WDR12: variants seen among roughly 807,000 people sequenced by gnomAD.
WDR12 encodes the protein ribosome biogenesis protein WDR12.
A neutral mutation model predicts 64.3 loss-of-function variants in WDR12; 42 were observed. That is an observed-to-expected ratio of 0.65 (90% confidence interval 0.51 to 0.84). The LOEUF is 0.84. Ranked by LOEUF, WDR12 falls within the 40% of genes least tolerant of loss-of-function variation. The pLI is 0.00. For missense variants in WDR12, 469 were observed against 494.6 expected (o/e 0.95, Z 0.49); for synonymous variants, 158 against 173.3 (o/e 0.91, Z 0.70).
chr2:202,883,786 A>G (rs1334183905), intron 10 of WDR12, 45 bp from the exon 11 acceptor site: 1 of 1,577,190 alleles, frequency 6.3e-7, no homozygotes, highest in Non-Finnish European at 8.6e-7. Context: ...AGAAAAGGGA[A>G]GTAGGTAGAA....
intron 8 of WDR12, among the ~76,000 whole-genome samples, chr2:202,885,148 T>C (rs1374184645): frequency 6.6e-6 from 1 of 152,180 alleles, no homozygotes; most frequent in Non-Finnish European, 1.5e-5. Flanking sequence ...AGGCTGTTTT[T>C]TGGGATCCCT....
intron 2 of WDR12, 129 bp downstream of exon 2, chr2:202,907,736 C>T: frequency 7.3e-6 from 5 of 689,134 alleles, no homozygotes; most frequent in Non-Finnish European, 1.2e-5. Flanking sequence ...AGAACCTGTA[C>T]TTTATAACTT....
At chr2:202,882,261 G>A (rs1687962910) in intron 12 of WDR12, among the ~76,000 whole-genome samples, 1 of 151,918 alleles carries the variant, frequency 6.6e-6, no homozygotes, top group Admixed American at 6.6e-5. Flanking sequence ...TTCTTTGAAT[G>A]AGAGGTGACA....
At chr2:202,903,538 CAA>C (rs1270285623) in intron 2 of WDR12, among the ~76,000 whole-genome samples, 1 of 151,584 alleles carries the variant, frequency 6.6e-6, no homozygotes, top group African/African-American at 2.4e-5. Context: ...GAAGGGCATC[CAA>C]ATTGGAGAGG....
chr2:202,907,985 G>C lies in WDR12; in HGVS notation c.42-26C>G, dbSNP rs1167523859. 4 of 1,585,948 alleles carry C rather than the reference G, an allele frequency of 2.5e-6. No individual in the cohort carries two copies. The African/African-American group carries it at 5.4e-5, about 21-fold the overall frequency. ...CTATAAAAAGGAAATGATATGTCAA[G>C]ATCAAGTCTACAGATATTTGAACAA... On this transcript the variant is annotated intron_variant, in intron 1 of 12. Coordinates refer to ENST00000261015, the MANE Select transcript of WDR12 (RefSeq NM_018256.4).
At chr2:202,891,723 T>C (rs1559160375) in intron 8 of WDR12, among the ~76,000 whole-genome samples, 1 of 152,254 alleles carries the variant, frequency 6.6e-6, no homozygotes, top group Admixed American at 6.5e-5. Context: ...ACATTCATTA[T>C]AGCTATTAGA....
At chr2:202,893,654 G>C (rs1688190683) in intron 7 of WDR12, among the ~76,000 whole-genome samples, 1 of 152,130 alleles carries the variant, frequency 6.6e-6, no homozygotes, top group Admixed American at 6.6e-5. Flanking sequence ...TACCTAAAAA[G>C]TAACAGAGGT....
intron 11 of WDR12, 196 bp from the exon 12 acceptor site, chr2:202,882,979 AT>A (rs1687982132): frequency 2.0e-6 from 1 of 488,480 alleles, no homozygotes; most frequent in South Asian, 3.0e-5. Flanking sequence ...GACATTTATT[AT>A]AACAAATATA....
At chr2:202,885,532 C>G (rs938385116) in intron 8 of WDR12, among the ~76,000 whole-genome samples, 2 of 152,110 alleles carry the variant, frequency 1.3e-5, no homozygotes, top group Non-Finnish European at 2.9e-5. Context: ...GTTTCAGCAC[C>G]TTCACACAAA....
intron 8 of WDR12, among the ~76,000 whole-genome samples, chr2:202,884,976 T>C (rs1167823303): frequency 6.6e-6 from 1 of 152,224 alleles, no homozygotes; most frequent in African/African-American, 2.4e-5. Flanking sequence ...TCTTCTTGCC[T>C]GTAGTTCTCA....
chr2:202,902,522 G>T (rs761067362), intron 2 of WDR12, among the ~76,000 whole-genome samples: 2 of 152,174 alleles, frequency 1.3e-5, no homozygotes, highest in Non-Finnish European at 2.9e-5. Context: ...ATAAAAGGAG[G>T]CAGAGGAATG....
rs1013182599 is a variant in WDR12, at chr2:202,880,791, T to C, written c.*69A>G. ...AGGCTGCTTTCTGCATCTGCATCTA[T>C]GTAATTTCATGGTTCTCTACCAATT... On this transcript the variant is annotated 3_prime_UTR_variant, in exon 13 of 13. Coordinates refer to ENST00000261015, the MANE Select transcript of WDR12 (RefSeq NM_018256.4). 5 of 1,418,188 alleles carry C rather than the reference T, an allele frequency of 3.5e-6. No individual in the cohort carries two copies. The African/African-American group carries it at 5.7e-5, about 16-fold the overall frequency. 87.9% of individuals were successfully genotyped at this position (1,418,188 alleles called of 1,614,324 possible). A position where few individuals can be genotyped will look rare whatever the true frequency, so the allele number is the denominator to read the frequency against.
At position 202,909,239 on chromosome 2, in the gene WDR12, G is replaced by T. The variant is rs545134071; in HGVS notation, c.42-1280C>A. Among the ~76,000 whole-genome samples the T allele has an allele frequency of 3.3e-5, 5 of 152,282 alleles. No individual in the cohort carries two copies. The South Asian group carries it at 1.0e-3, about 32-fold the overall frequency. ...CATCCACACGAAAACTTGTACGAGT[G>T]TTCACATAACAACTATTCATAATAG... On this transcript the variant is annotated intron_variant, in intron 1 of 12. Coordinates refer to ENST00000261015, the MANE Select transcript of WDR12 (RefSeq NM_018256.4).
rs753676810 is a variant in WDR12, at chr2:202,901,097, A to G, written c.159T>C (p.Phe53=). The G allele has an allele frequency of 1.9e-6, 3 of 1,599,414 alleles. No individual in the cohort carries two copies. The highest frequency in any genetic ancestry group is 8.5e-7 in the Non-Finnish European group (1 of 1,169,972). The change falls in exon 3 of 13, where the codon TTT becomes TTC. Residue 53 remains phenylalanine (F), a synonymous_variant. Coordinates refer to ENST00000261015, the MANE Select transcript of WDR12 (RefSeq NM_018256.4). ...DKNEFHKHVE[F]DFLIKGQFLR... is the part of the protein sequence containing the mutation. ...GAAACTGGCCCTTAATAAGGAAATC[A>G]AACTCCACATGTTTGTGGAACTCTG...
At chr2:202,906,548 T>C (rs879805578) in intron 2 of WDR12, among the ~76,000 whole-genome samples, 2 of 152,190 alleles carry the variant, frequency 1.3e-5, no homozygotes, top group East Asian at 1.9e-4. Flanking sequence ...CTCTGCAGCA[T>C]TGGAAACATC....
chr2:202,911,613 C>G lies in WDR12; in HGVS notation c.-137G>C, dbSNP rs1688660728. 7 of 799,454 alleles carry G rather than the reference C, an allele frequency of 8.8e-6. No individual in the cohort carries two copies. In the South Asian group the frequency reaches 1.0e-4, roughly 12 times the overall value. 49.5% of individuals were successfully genotyped at this position (799,454 alleles called of 1,614,324 possible). ...GGTAAGCGAGGAACTGCAGTCTAAG[C>G]CTGGACTCTGCCTTCTGCCCTCCGG... On this transcript the variant is annotated 5_prime_UTR_variant, in exon 1 of 13. Coordinates refer to ENST00000261015, the MANE Select transcript of WDR12 (RefSeq NM_018256.4).
intron 12 of WDR12, among the ~76,000 whole-genome samples, 197 bp downstream of exon 12, chr2:202,882,514 G>A (rs893292464): frequency 6.6e-6 from 1 of 152,092 alleles, no homozygotes; most frequent in South Asian, 2.1e-4. Context: ...GTTTTTAGTA[G>A]AGACGGGGTT....
chr2:202,882,660 A>G lies in WDR12; in HGVS notation c.1194+51T>C, dbSNP rs753866012. On this transcript the variant is annotated intron_variant, in intron 12 of 12. Coordinates refer to ENST00000261015, the MANE Select transcript of WDR12 (RefSeq NM_018256.4). The stretch of plus-strand genomic sequence containing the variant: ...AATACATTTTATAAACACAAACACC[A>G]GATTTATTCTAGTCACTTTCCTCTT... 14 of 1,561,848 alleles carry G rather than the reference A, an allele frequency of 9.0e-6. No homozygotes were observed. In the South Asian group the frequency reaches 1.5e-4, roughly 16 times the overall value.
intron 4 of WDR12, among the ~76,000 whole-genome samples, chr2:202,898,733 ACTT>A (rs1215383168): frequency 6.6e-6 from 1 of 152,176 alleles, no homozygotes; most frequent in East Asian, 1.9e-4. Context: ...TATAAAAGTT[ACTT>A]TTTTCCTTTA....
Sources: allele counts gnomAD v4.1 joint callset (sites outside exome capture counted in the v4.1 genomes callset), GRCh38; gene constraint gnomAD v4.1.1; transcripts MANE v1.5; gene names NCBI Gene and HGNC (gene_info 2026-07-23, HGNC 2026-07-21).